Variants in IMPG2 observed in about 807,000 individuals in gnomAD.
IMPG2 encodes the protein interphotoreceptor matrix proteoglycan 2.
In IMPG2, 91 loss-of-function variants were observed where a neutral mutation model predicts 129.2. That is an observed-to-expected ratio of 0.70 (90% CI 0.59 to 0.84). IMPG2 has a LOEUF of 0.84. IMPG2 is among the 40% of genes least tolerant of loss of function. The probability of loss-of-function intolerance (pLI) is 0.00; values close to 1 mark genes in which losing one functional copy is unlikely to be tolerated. For missense variants in IMPG2, 1,430 were observed against 1,461.7 expected (o/e 0.98, Z 0.35); for synonymous variants, 510 against 517.7 (o/e 0.99, Z 0.20).
At chr3:101,319,880 CA>C in intron 1 of IMPG2, 48 bp from the exon 2 acceptor site, 2 of 1,585,274 alleles carry the variant, frequency 1.3e-6, no homozygotes, top group East Asian at 2.2e-5. Flanking sequence ...AGATACAGTA[CA>C]AAAGGTAACA....
intron 7 of IMPG2, among the ~76,000 whole-genome samples, chr3:101,273,277 G>A (rs1382575758): frequency 6.6e-6 from 1 of 152,212 alleles, no homozygotes; most frequent in Non-Finnish European, 1.5e-5. Flanking sequence ...TCTTAGAGAA[G>A]CTTATTTCTC....
chr3:101,290,186 G>A (rs1043167227), intron 4 of IMPG2, among the ~76,000 whole-genome samples: 1 of 152,018 alleles, frequency 6.6e-6, no homozygotes, highest in Admixed American at 6.6e-5. Flanking sequence ...AGGAATCTCT[G>A]AGCTCTGCCT....
At chr3:101,293,888 C>A (rs371588730) in intron 3 of IMPG2, among the ~76,000 whole-genome samples, 1 of 152,208 alleles carries the variant, frequency 6.6e-6, no homozygotes, top group African/African-American at 2.4e-5. Flanking sequence ...CCTCGCCTCT[C>A]TCAGCCTTCA....
chr3:101,316,034 T>C (rs989457795), intron 2 of IMPG2, among the ~76,000 whole-genome samples: 2 of 152,118 alleles, frequency 1.3e-5, no homozygotes, highest in African/African-American at 4.8e-5. Flanking sequence ...ATAATCTTTT[T>C]TTAACAAATG....
At chr3:101,301,044 G>A (rs1208590889) in intron 3 of IMPG2, among the ~76,000 whole-genome samples, 1 of 152,196 alleles carries the variant, frequency 6.6e-6, no homozygotes, top group Non-Finnish European at 1.5e-5. Context: ...CTGTAACTCA[G>A]GGAATAGGGA....
At position 101,276,645 on chromosome 3, in the gene IMPG2, T is replaced by C. The variant is rs1489973258; in HGVS notation, c.583+19A>G. 6.4e-7 allele frequency: 1 copy of C among 1,555,194 alleles called. No homozygotes were observed. Among genetic ancestry groups the C allele is most frequent in the Non-Finnish European group, 8.9e-7 (1 of 1,127,336 alleles). ...TAAATAATTTTAAAAGAAAAGTGAATGAAGACACAAAAGTATACCTCCCAA... is the reference window on the plus strand; with the variant it reads ...TAAATAATTTTAAAAGAAAAGTGAACGAAGACACAAAAGTATACCTCCCAA... On this transcript the variant is annotated intron_variant, in intron 5 of 18. Coordinates refer to ENST00000193391, the MANE Select transcript of IMPG2 (RefSeq NM_016247.4).
chr3:101,245,075 C>G (rs1346011711), intron 12 of IMPG2, among the ~76,000 whole-genome samples: 1 of 151,800 alleles, frequency 6.6e-6, no homozygotes, highest in Non-Finnish European at 1.5e-5. Context: ...TAAAGAACTG[C>G]TGGTAGTAAT....
chr3:101,305,110 A>AG (rs1707175509), intron 2 of IMPG2, among the ~76,000 whole-genome samples: 2 of 152,298 alleles, frequency 1.3e-5, no homozygotes, highest in South Asian at 4.1e-4. Flanking sequence ...GTCCTTCAAT[A>AG]GGTGAAAGGA....
chr3:101,304,862 A>AT (rs1045002827), intron 2 of IMPG2, among the ~76,000 whole-genome samples: 1 of 151,874 alleles, frequency 6.6e-6, no homozygotes, highest in Non-Finnish European at 1.5e-5. Flanking sequence ...TGATAAAAAA[A>AT]AAAAACAGGA....
At chr3:101,267,749 TA>T (rs1301664404) in intron 8 of IMPG2, among the ~76,000 whole-genome samples, 1 of 152,214 alleles carries the variant, frequency 6.6e-6, no homozygotes, top group Non-Finnish European at 1.5e-5. Flanking sequence ...TTCTAAATTT[TA>T]AAAATACTTT....
chr3:101,267,977 T>C (rs1706739697), intron 8 of IMPG2, among the ~76,000 whole-genome samples: 1 of 152,188 alleles, frequency 6.6e-6, no homozygotes, highest in Non-Finnish European at 1.5e-5. Flanking sequence ...ACCTTTAATA[T>C]TTATTATTTT....
chr3:101,282,775 T>G (rs1706905998), intron 4 of IMPG2, among the ~76,000 whole-genome samples: 1 of 152,188 alleles, frequency 6.6e-6, no homozygotes, highest in South Asian at 2.1e-4. Context: ...ATCTTCCAGC[T>G]ACCTTAGTTC....
chr3:101,265,138 T>C (rs975468774), intron 9 of IMPG2, among the ~76,000 whole-genome samples: 1 of 152,098 alleles, frequency 6.6e-6, no homozygotes, highest in Admixed American at 6.6e-5. Flanking sequence ...ATCTACAGAT[T>C]TGAAGCAATC....
chr3:101,245,368 C>T (rs1383797547), intron 12 of IMPG2, among the ~76,000 whole-genome samples: 2 of 152,074 alleles, frequency 1.3e-5, no homozygotes, highest in African/African-American at 2.4e-5. Context: ...TCCATGATTT[C>T]GCTTCTTCCC....
At chr3:101,256,146 AAAGAAAGAAAGAAAG>A (rs1559646309) in intron 10 of IMPG2, among the ~76,000 whole-genome samples, 3 of 19,944 alleles carry the variant, frequency 1.5e-4, no homozygotes, top group Non-Finnish European at 3.3e-4. Context: ...GAAAGAAAGA[AAAGAAAGAAAGAAAG>A]AAAGAAAGAA....
At position 101,223,422 on chromosome 3, in the gene IMPG2, T is replaced by C. The variant is rs551580502; in HGVS notation, c.*3547A>G. On this transcript the variant is annotated 3_prime_UTR_variant, in exon 19 of 19. Coordinates refer to ENST00000193391, the MANE Select transcript of IMPG2 (RefSeq NM_016247.4). ...TAGTTATTCTACTTCATTAGCTCTT[T>C]CATTATGGAATAAATATGTTGTCTT... 1.3e-5 allele frequency: 2 copies of C among 152,374 alleles called. No individual in the cohort carries two copies. The highest frequency in any genetic ancestry group is 3.9e-4 in the East Asian group (2 of 5,188). The allele number at this position is 152,374 out of a possible 1,614,324, so 9.4% of individuals were successfully genotyped here.
At chr3:101,252,922 T>A (rs1706559515) in intron 11 of IMPG2, among the ~76,000 whole-genome samples, 1 of 151,880 alleles carries the variant, frequency 6.6e-6, no homozygotes, top group African/African-American at 2.4e-5. Flanking sequence ...GACAAGGGAG[T>A]CCCCCTACTG....
intron 11 of IMPG2, among the ~76,000 whole-genome samples, chr3:101,248,864 C>T (rs1490324791): frequency 6.6e-6 from 1 of 152,166 alleles, no homozygotes; most frequent in Non-Finnish European, 1.5e-5. Flanking sequence ...CACTTCAGAT[C>T]CTTCTCTTCC....
Position 101,257,661 on chromosome 3 carries a change from G to C in IMPG2, c.1021C>G (p.Leu341Val), listed in dbSNP as rs780713627. Residue 341 changes from leucine to valine, a missense_variant, in exon 10 of 19, where the codon CTG becomes GTG. Coordinates refer to ENST00000193391, the MANE Select transcript of IMPG2 (RefSeq NM_016247.4). ...TAAACAACAGTGGGTTTATCATCCA[G>C]TTCCACAAGGCCATGGTTTTCCACC... ...NKVENHGLVE[L>V]DDKPTVVYTI... 2 of 1,613,358 alleles carry C rather than the reference G, an allele frequency of 1.2e-6. No homozygotes were observed. Among genetic ancestry groups the C allele is most frequent in the African/African-American group, 1.3e-5 (1 of 74,882 alleles).
Sources: allele counts gnomAD v4.1 joint callset (sites outside exome capture counted in the v4.1 genomes callset), GRCh38; gene constraint gnomAD v4.1.1; transcripts MANE v1.5; gene names NCBI Gene and HGNC (gene_info 2026-07-23, HGNC 2026-07-21).